GRID2: variants seen among roughly 807,000 people sequenced by gnomAD.
GRID2 encodes the protein glutamate receptor ionotropic, delta-2.
In GRID2, 33 loss-of-function variants were observed where a neutral mutation model predicts 114.8. The ratio of observed to expected loss-of-function variants is 0.29; its 90% CI spans 0.22 to 0.38. GRID2 has a LOEUF of 0.38. GRID2 is among the 10% of genes least tolerant of loss of function. The pLI is 1.00. For synonymous variants in GRID2, 505 were observed against 449.9 expected (o/e 1.12, Z -1.55); for missense variants, 1,184 against 1,257.7 (o/e 0.94, Z 0.89).
rs1759706765 is a variant in GRID2 at position 93,341,986 on chromosome 4, A to G, written c.1246-53621A>G. Reference sequence around the variant, plus strand: ...CTACTCTCTTATCTTCTGAATTATTATCTGAATCTTCTCTCCTTCTATTCC... The same window carrying G: ...CTACTCTCTTATCTTCTGAATTATTGTCTGAATCTTCTCTCCTTCTATTCC... On this transcript the variant is annotated intron_variant, in intron 8 of 15. Coordinates refer to ENST00000282020, the MANE Select transcript of GRID2 (RefSeq NM_001510.4). Among the ~76,000 whole-genome samples the G allele has an allele frequency of 2.0e-5, 3 of 152,266 alleles. No individual in the cohort carries two copies. The South Asian group carries it at 6.2e-4, about 32-fold the overall frequency.
At chr4:92,724,171 A>G (rs981239523) in intron 2 of GRID2, among the ~76,000 whole-genome samples, 7 of 152,156 alleles carry the variant, frequency 4.6e-5, no homozygotes, top group South Asian at 4.1e-4. Flanking sequence ...ATGATATTCA[A>G]AAAGGCGGTA....
chr4:93,706,893 C>A (rs1429967239), intron 14 of GRID2, among the ~76,000 whole-genome samples: 2 of 152,042 alleles, frequency 1.3e-5, no homozygotes, highest in Non-Finnish European at 2.9e-5. Context: ...TCTTTCTATA[C>A]TCAGTTTTGT....
At chr4:92,886,539 A>C (rs899551168) in intron 2 of GRID2, among the ~76,000 whole-genome samples, 3 of 152,144 alleles carry the variant, frequency 2.0e-5, no homozygotes, top group Non-Finnish European at 4.4e-5. Context: ...AGACCTTTAT[A>C]TTTGACCAGA....
chr4:92,570,674 CTTG>C (rs1727565936), intron 1 of GRID2, among the ~76,000 whole-genome samples: 2 of 149,362 alleles, frequency 1.3e-5, no homozygotes, highest in Admixed American at 1.3e-4. Flanking sequence ...CTTCACTTCC[CTTG>C]TTATCTCCTA....
At chr4:93,327,751 G>C (rs186247060) in intron 8 of GRID2, among the ~76,000 whole-genome samples, 2 of 151,720 alleles carry the variant, frequency 1.3e-5, no homozygotes, top group East Asian at 3.9e-4. Flanking sequence ...GGGGTCAAGT[G>C]GGGGGATGAT....
intron 2 of GRID2, among the ~76,000 whole-genome samples, chr4:93,052,831 A>G (rs1482498985): frequency 1.3e-5 from 2 of 151,842 alleles, no homozygotes. Context: ...TTCCAAAGGG[A>G]TTAGTCTCAG....
intron 14 of GRID2, among the ~76,000 whole-genome samples, chr4:93,698,274 G>A (rs960712386): frequency 1.6e-4 from 25 of 151,828 alleles, no homozygotes; most frequent in African/African-American, 6.0e-4. Flanking sequence ...CACTAAATTA[G>A]TACATGTAGC....
chr4:93,350,548 G>A (rs1232869879), intron 8 of GRID2, among the ~76,000 whole-genome samples: 2 of 152,030 alleles, frequency 1.3e-5, no homozygotes, highest in Admixed American at 1.3e-4. Context: ...AAAAGCTTGA[G>A]AAGTAGATAG....
intron 1 of GRID2, among the ~76,000 whole-genome samples, chr4:92,582,961 T>A (rs975810719): frequency 1.3e-5 from 2 of 151,996 alleles, no homozygotes; most frequent in African/African-American, 4.8e-5. Context: ...CACTCTAGCC[T>A]GGGTGACAGA....
intron 2 of GRID2, among the ~76,000 whole-genome samples, chr4:92,916,604 T>C (rs1028464031): frequency 6.6e-6 from 1 of 151,724 alleles, no homozygotes. Context: ...AGTGAGAACA[T>C]GTGGTGTTTG....
intron 2 of GRID2, among the ~76,000 whole-genome samples, chr4:92,722,785 T>C (rs981062289): frequency 6.6e-6 from 1 of 152,094 alleles, no homozygotes; most frequent in African/African-American, 2.4e-5. Context: ...CATAAGATTA[T>C]TTAGAGAAAA....
At chr4:93,455,520 G>A in intron 10 of GRID2, 142 bp from the exon 11 acceptor site, 1 of 617,072 alleles carries the variant, frequency 1.6e-6, no homozygotes, top group South Asian at 2.0e-5. Flanking sequence ...TCTGTAAGAA[G>A]TCTATGCAGT....
chr4:93,205,154 T>A (rs113712475), intron 4 of GRID2, among the ~76,000 whole-genome samples: 1 of 152,144 alleles, frequency 6.6e-6, no homozygotes, highest in Admixed American at 6.6e-5. Flanking sequence ...GTCTCTTAGA[T>A]GTTTAAAGTA....
Position 92,800,856 on chromosome 4 carries a change from A to T in GRID2, c.244+210570A>T, listed in dbSNP as rs1201639250. Among the ~76,000 whole-genome samples, 7 of 152,006 alleles carry T rather than the reference A, an allele frequency of 4.6e-5. No homozygotes were observed. In the East Asian group the frequency reaches 1.4e-3, roughly 30 times the overall value. On this transcript the variant is annotated intron_variant, in intron 2 of 15. Transcript: ENST00000282020. ...TGACAGTTGAAAGTCCCAGGCTAAAATCTTAAAACACAGAACAGTGATTTC... is the reference window on the plus strand; with the variant it reads ...TGACAGTTGAAAGTCCCAGGCTAAATTCTTAAAACACAGAACAGTGATTTC...
At chr4:92,338,056 G>T (rs1727278294) in intron 1 of GRID2, among the ~76,000 whole-genome samples, 1 of 152,102 alleles carries the variant, frequency 6.6e-6, no homozygotes, top group Non-Finnish European at 1.5e-5. Flanking sequence ...GTACAAAAAA[G>T]AACTAGGGAT....
At chr4:92,376,317 T>C (rs1324226192) in intron 1 of GRID2, among the ~76,000 whole-genome samples, 1 of 151,858 alleles carries the variant, frequency 6.6e-6, no homozygotes, top group Admixed American at 6.6e-5. Flanking sequence ...CTCAAAAAAA[T>C]AATATATTAA....
intron 14 of GRID2, among the ~76,000 whole-genome samples, chr4:93,712,615 AC>A (rs1463833722): frequency 5.9e-5 from 9 of 152,132 alleles, no homozygotes; most frequent in Non-Finnish European, 1.0e-4. Flanking sequence ...ACCATCTCTC[AC>A]TTAAATCTAT....
intron 2 of GRID2, among the ~76,000 whole-genome samples, chr4:92,929,062 G>A (rs1480652489): frequency 2.0e-5 from 3 of 151,288 alleles, no homozygotes; most frequent in African/African-American, 7.3e-5. Context: ...AATGTGATCA[G>A]TATATCTTCT....
intron 1 of GRID2, among the ~76,000 whole-genome samples, chr4:93,805,630 A>G (rs1031701579): frequency 2.6e-5 from 4 of 152,222 alleles, no homozygotes; most frequent in Admixed American, 2.0e-4. Flanking sequence ...ACAAGGACAT[A>G]GAGGTAAGGA....
Sources: gnomAD v4.1 joint callset for allele counts (sites outside exome capture counted in the v4.1 genomes callset) on GRCh38, gnomAD v4.1.1 for gene constraint, MANE v1.5 for transcripts, NCBI Gene and HGNC (gene_info 2026-07-23, HGNC 2026-07-21) for gene names.